COL24A1: variants seen among roughly 807,000 people sequenced by gnomAD.
The protein encoded by COL24A1 is collagen alpha-1(XXIV) chain.
In COL24A1, 224 loss-of-function variants were observed where a neutral mutation model predicts 253.9. That is an observed-to-expected ratio of 0.88 (90% CI 0.79 to 0.99). The LOEUF is 0.99. Among genes scored for constraint, COL24A1 ranks in the 50% least tolerant of loss-of-function variants. The probability of loss-of-function intolerance (pLI) is 0.00; values close to 1 mark genes in which losing one functional copy is unlikely to be tolerated. For synonymous variants in COL24A1, 685 were observed against 673.7 expected, an observed-to-expected ratio of 1.02 and a Z score of -0.26; for missense variants, 2,131 against 2,068.5, an observed-to-expected ratio of 1.03 and a Z score of -0.59.
intron 45 of COL24A1, among the ~76,000 whole-genome samples, chr1:85,818,386 G>A (rs1673261324): frequency 6.6e-6 from 1 of 152,062 alleles, no homozygotes. Context: ...TTTCAGGAAG[G>A]GCCTTGATCT....
intron 19 of COL24A1, among the ~76,000 whole-genome samples, chr1:85,995,936 A>C (rs1694750021): frequency 6.6e-6 from 1 of 152,190 alleles, no homozygotes; most frequent in African/African-American, 2.4e-5. Flanking sequence ...CTTCCTGTAC[A>C]GCCTGCATAA....
At chr1:85,894,849 C>G (rs1056191948) in intron 31 of COL24A1, among the ~76,000 whole-genome samples, 10 of 152,020 alleles carry the variant, frequency 6.6e-5, no homozygotes, top group Admixed American at 6.6e-4. Flanking sequence ...TGGGAAACAG[C>G]GGGCAGGGGG....
At chr1:86,062,881 T>C (rs1405327682) in intron 8 of COL24A1, among the ~76,000 whole-genome samples, 2 of 151,988 alleles carry the variant, frequency 1.3e-5, no homozygotes, top group African/African-American at 2.4e-5. Context: ...AAAGGGAAAA[T>C]TGGCTTTGTT....
Position 85,943,477 on chromosome 1 carries a change from A to G in COL24A1, c.2562+17772T>C, listed in dbSNP as rs138893180. 2.6e-3 allele frequency among the ~76,000 whole-genome samples: 391 copies of G among 152,340 alleles called. 1 individual carries two copies. The highest frequency in any genetic ancestry group is 7.8e-3 in the African/African-American group (324 of 41,586). On this transcript the variant is annotated intron_variant, in intron 24 of 59. Coordinates refer to ENST00000370571, the MANE Select transcript of COL24A1 (RefSeq NM_152890.7). ...GGAAAGCTGAGTATCATTCTTTCATACTGTATTCCTTACAACACAATGAAA... is the reference window on the plus strand; with the variant it reads ...GGAAAGCTGAGTATCATTCTTTCATGCTGTATTCCTTACAACACAATGAAA...
chr1:86,000,467 G>A (rs1571547313), intron 19 of COL24A1, among the ~76,000 whole-genome samples: 1 of 152,080 alleles, frequency 6.6e-6, no homozygotes, highest in South Asian at 2.1e-4. Context: ...TGACTTAAGT[G>A]ACAATTAAAA....
At chr1:86,066,634 G>C (rs1329353444) in intron 7 of COL24A1, among the ~76,000 whole-genome samples, 3 of 152,042 alleles carry the variant, frequency 2.0e-5, no homozygotes, top group African/African-American at 7.2e-5. Context: ...ACAATGAACA[G>C]ATCAAGCCAT....
chr1:85,901,831 A>AAAAT, intron 28 of COL24A1, among the ~76,000 whole-genome samples: 1 of 145,906 alleles, frequency 6.9e-6, no homozygotes, highest in South Asian at 2.1e-4. Context: ...TCTCAAAAAA[A>AAAAT]AAAAAAAAAA....
At chr1:86,053,300 T>C (rs1700445057) in intron 10 of COL24A1, among the ~76,000 whole-genome samples, 1 of 152,038 alleles carries the variant, frequency 6.6e-6, no homozygotes, top group Non-Finnish European at 1.5e-5. Context: ...AATAATCAAT[T>C]GATAACTCAA....
chr1:85,981,286 A>C (rs1019199859), intron 20 of COL24A1, among the ~76,000 whole-genome samples: 2 of 152,212 alleles, frequency 1.3e-5, no homozygotes, highest in Admixed American at 6.5e-5. Context: ...ACTGGTATAA[A>C]ATTAGGCATG....
At chr1:85,786,203 T>C in intron 48 of COL24A1, 151 bp downstream of exon 48, 1 of 579,130 alleles carries the variant, frequency 1.7e-6, no homozygotes, top group Non-Finnish European at 2.9e-6. Flanking sequence ...ATGTCAAAAC[T>C]ACATACTTTC....
chr1:85,961,215 C>T (rs1180819332), intron 24 of COL24A1, 34 bp downstream of exon 24: 2 of 1,479,582 alleles, frequency 1.4e-6, no homozygotes, highest in Non-Finnish European at 1.9e-6. Flanking sequence ...ATGCTTACAG[C>T]TGATTAAAAA....
chr1:85,901,824 CAAAAAAAA>C (rs55862441), intron 28 of COL24A1, among the ~76,000 whole-genome samples: 8 of 57,792 alleles, frequency 1.4e-4, no homozygotes, highest in African/African-American at 2.8e-4. Flanking sequence ...GACTCCGTCT[CAAAAAAAA>C]AAAAAAAAAA....
chr1:86,081,372 A>G (rs1702628839), intron 7 of COL24A1, among the ~76,000 whole-genome samples: 1 of 151,692 alleles, frequency 6.6e-6, no homozygotes, highest in East Asian at 1.9e-4. Context: ...CATCACTACT[A>G]CTTTACTCAT....
chr1:85,765,456 G>A (rs547245363), intron 53 of COL24A1, among the ~76,000 whole-genome samples: 1 of 151,516 alleles, frequency 6.6e-6, no homozygotes, highest in South Asian at 2.1e-4. Context: ...TGTAATTCTG[G>A]GGCTTTGGGA....
chr1:85,834,216 A>C (rs1020785313), intron 43 of COL24A1, among the ~76,000 whole-genome samples: 1 of 152,130 alleles, frequency 6.6e-6, no homozygotes, highest in Non-Finnish European at 1.5e-5. Flanking sequence ...TAAGAATCAA[A>C]AGAAGTGGCT....
intron 48 of COL24A1, 109 bp from the exon 49 acceptor site, chr1:85,784,475 A>T: frequency 1.4e-6 from 1 of 714,722 alleles, no homozygotes; most frequent in Non-Finnish European, 2.4e-6. Flanking sequence ...CCATAAATAC[A>T]AGGCACTGGG....
At chr1:85,881,031 A>G (rs1255527081) in intron 32 of COL24A1, among the ~76,000 whole-genome samples, 1 of 152,246 alleles carries the variant, frequency 6.6e-6, no homozygotes, top group Non-Finnish European at 1.5e-5. Context: ...TGCTCACATA[A>G]TGGCCTCATG....
chr1:86,124,072 T>C (rs1021587829), intron 3 of COL24A1, among the ~76,000 whole-genome samples: 7 of 152,042 alleles, frequency 4.6e-5, no homozygotes, highest in Non-Finnish European at 8.8e-5. Flanking sequence ...ACTGTGATTT[T>C]AAATGACTTT....
rs1455004020 is a variant in COL24A1, at chr1:86,064,075, T to C, written c.1708-316A>G. Among the ~76,000 whole-genome samples, 3 of 152,258 alleles carry C rather than the reference T, an allele frequency of 2.0e-5. No individual in the cohort carries two copies. The East Asian group carries it at 5.8e-4, about 29-fold the overall frequency. ...CAGTATCTTTTATAAAAGGCTCATA[T>C]CTAGCAATGGATATGTTAAGTTTGC... On this transcript the variant is annotated intron_variant, in intron 7 of 59. Transcript: ENST00000370571.
Sources: allele counts gnomAD v4.1 joint callset (sites outside exome capture counted in the v4.1 genomes callset), GRCh38; gene constraint gnomAD v4.1.1; transcripts MANE v1.5; gene names NCBI Gene and HGNC (gene_info 2026-07-23, HGNC 2026-07-21).